The following DNAJC5B variants were observed in gnomAD, a reference collection of about 807,000 sequenced individuals.
DNAJC5B encodes DnaJ heat shock protein family (Hsp40) member C5 beta, also known as dnaJ homolog subfamily C member 5B.
A neutral mutation model predicts 24.7 loss-of-function variants in DNAJC5B; 23 were observed. The observed-to-expected ratio is 0.93, with a 90% confidence interval of 0.67 to 1.32. The LOEUF is 1.32. Among genes scored for constraint, DNAJC5B ranks in the 40% most tolerant of loss-of-function variants. The pLI is 0.00. For missense variants in DNAJC5B, 238 were observed against 240.8 expected (o/e 0.99, Z 0.08); for synonymous variants, 101 against 90.1 (o/e 1.12, Z -0.68).
chr8:66,081,767 T>C (rs1487138064), intron 5 of DNAJC5B, among the ~76,000 whole-genome samples: 1 of 152,066 alleles, frequency 6.6e-6, no homozygotes, highest in Non-Finnish European at 1.5e-5. Flanking sequence ...CTGGGACCCC[T>C]TGCTGTGGGG....
intron 1 of DNAJC5B, among the ~76,000 whole-genome samples, chr8:66,040,989 A>G (rs1000138512): frequency 6.6e-6 from 1 of 151,606 alleles, no homozygotes; most frequent in Non-Finnish European, 1.5e-5. Context: ...TTGATTTTAC[A>G]GAAGAATTGC....
intron 3 of DNAJC5B, among the ~76,000 whole-genome samples, chr8:66,064,798 C>T (rs114377858): frequency 0.016 from 2,472 of 152,260 alleles, 69 homozygotes; most frequent in African/African-American, 0.056. Context: ...TTCAGGTCCT[C>T]ATCCCCTAAA....
chr8:66,051,716 T>C, intron 3 of DNAJC5B, 50 bp downstream of exon 3: 1 of 1,387,266 alleles, frequency 7.2e-7, no homozygotes, highest in Non-Finnish European at 1.0e-6. Flanking sequence ...AGTTATTTTG[T>C]GACTGGCAGA....
At chr8:66,049,536 C>A (rs1806799684) in intron 2 of DNAJC5B, among the ~76,000 whole-genome samples, 1 of 152,140 alleles carries the variant, frequency 6.6e-6, no homozygotes, top group Non-Finnish European at 1.5e-5. Flanking sequence ...ATAGGCTATA[C>A]CATATAGCCT....
At chr8:66,074,149 G>A (rs1483357518) in intron 3 of DNAJC5B, among the ~76,000 whole-genome samples, 4 of 152,000 alleles carry the variant, frequency 2.6e-5, no homozygotes, top group Non-Finnish European at 2.9e-5. Flanking sequence ...ATATCCAAAC[G>A]GTATATATAA....
At chr8:66,075,154 C>A (rs187328549) in intron 3 of DNAJC5B, among the ~76,000 whole-genome samples, 1 of 152,220 alleles carries the variant, frequency 6.6e-6, no homozygotes, top group Non-Finnish European at 1.5e-5. Context: ...GCAACCTCCA[C>A]CTCCCGGGTT....
chr8:66,017,677 C>T (rs2128953681), upstream of DNAJC5B, among the ~76,000 whole-genome samples: 1 of 152,320 alleles, frequency 6.6e-6, no homozygotes, highest in Middle Eastern at 3.4e-3. Context: ...GCTCTCGTAA[C>T]TGTTGTTATG....
At chr8:66,043,890 C>T (rs1171565048) in intron 2 of DNAJC5B, among the ~76,000 whole-genome samples, 1 of 150,908 alleles carries the variant, frequency 6.6e-6, no homozygotes, top group Non-Finnish European at 1.5e-5. Context: ...ACAGTGGCGC[C>T]ATCTCGGATC....
chr8:66,078,230 A>G (rs567735345), intron 4 of DNAJC5B, among the ~76,000 whole-genome samples: 1 of 152,334 alleles, frequency 6.6e-6, no homozygotes, highest in South Asian at 2.1e-4. Flanking sequence ...CAGTAGTGTG[A>G]GAGATATGCA....
intron 4 of DNAJC5B, among the ~76,000 whole-genome samples, chr8:66,078,094 C>G (rs1807510608): frequency 6.6e-6 from 1 of 152,120 alleles, no homozygotes; most frequent in Non-Finnish European, 1.5e-5. Context: ...AGAGGCAGGT[C>G]CAGATAATTA....
chr8:66,018,087 C>A (rs1451185405), upstream of DNAJC5B, among the ~76,000 whole-genome samples: 4 of 152,158 alleles, frequency 2.6e-5, no homozygotes, highest in East Asian at 7.7e-4. Context: ...CATTCAATTT[C>A]TTGGTCCAAG....
chr8:66,095,845 T>A (rs757996417), intron 5 of DNAJC5B, among the ~76,000 whole-genome samples: 26 of 152,138 alleles, frequency 1.7e-4, no homozygotes, highest in Non-Finnish European at 2.9e-4. Flanking sequence ...CTAACTTGAC[T>A]GCTCTGTGAT....
intron 5 of DNAJC5B, among the ~76,000 whole-genome samples, chr8:66,098,602 T>G (rs1007375811): frequency 6.6e-6 from 1 of 152,120 alleles, no homozygotes; most frequent in Non-Finnish European, 1.5e-5. Flanking sequence ...CTTTTTTTTT[T>G]CTTTCTGAAA....
chr8:66,067,864 C>T (rs925266776), intron 3 of DNAJC5B, among the ~76,000 whole-genome samples: 1 of 152,172 alleles, frequency 6.6e-6, no homozygotes, highest in Non-Finnish European at 1.5e-5. Context: ...CCAAGTTCTG[C>T]TCAATGACAA....
intron 2 of DNAJC5B, among the ~76,000 whole-genome samples, chr8:66,047,767 G>A (rs6990627): frequency 0.025 from 3,744 of 152,254 alleles, 158 homozygotes; most frequent in African/African-American, 0.086. Flanking sequence ...CAGCCCCTGA[G>A]GAGCTCAGAG....
At chr8:66,034,606 T>C (rs1490572687) in intron 1 of DNAJC5B, among the ~76,000 whole-genome samples, 1 of 151,682 alleles carries the variant, frequency 6.6e-6, no homozygotes, top group Non-Finnish European at 1.5e-5. Flanking sequence ...AGCTGGAGTT[T>C]CAGATTTGAG....
At chr8:66,083,360 AG>A (rs1807646978) in intron 5 of DNAJC5B, among the ~76,000 whole-genome samples, 1 of 152,110 alleles carries the variant, frequency 6.6e-6, no homozygotes, top group Non-Finnish European at 1.5e-5. Context: ...CCTTTCCTCT[AG>A]CATGTTTGAT....
At chr8:66,046,157 T>A (rs1806718862) in intron 2 of DNAJC5B, among the ~76,000 whole-genome samples, 1 of 152,224 alleles carries the variant, frequency 6.6e-6, no homozygotes, top group African/African-American at 2.4e-5. Flanking sequence ...CTTTCCTGTG[T>A]GGCTTACAAA....
At chr8:66,023,991 T>G (rs1382385527) in intron 1 of DNAJC5B, among the ~76,000 whole-genome samples, 1 of 152,064 alleles carries the variant, frequency 6.6e-6, no homozygotes, top group Non-Finnish European at 1.5e-5. Context: ...TGAAAGAAAA[T>G]GAAATGAAAT....
Sources: gnomAD v4.1 joint callset for allele counts (sites outside exome capture counted in the v4.1 genomes callset) on GRCh38, gnomAD v4.1.1 for gene constraint, MANE v1.5 for transcripts, NCBI Gene and HGNC (gene_info 2026-07-23, HGNC 2026-07-21) for gene names.